NARS2: variants seen among roughly 807,000 people sequenced by gnomAD.
The protein encoded by NARS2 is asparaginyl-tRNA synthetase.
A neutral mutation model predicts 62.9 loss-of-function variants in NARS2; 60 were observed. That is an observed-to-expected ratio of 0.95 (90% CI 0.77 to 1.18). The LOEUF (loss-of-function observed/expected upper bound fraction) is 1.18. NARS2 is among the 50% of genes most tolerant of loss of function. The pLI is 0.00. For synonymous variants in NARS2, 196 were observed against 200.0 expected (o/e 0.98, Z 0.17); for missense variants, 619 against 576.4 (o/e 1.07, Z -0.76).
intron 5 of NARS2, among the ~76,000 whole-genome samples, chr11:78,538,632 G>C (rs996059624): frequency 2.0e-5 from 3 of 152,074 alleles, no homozygotes; most frequent in East Asian, 1.9e-4. Context: ...CGTGGGAAGG[G>C]GGTGTCATAC....
chr11:78,470,043 G>A (rs1389930845), intron 9 of NARS2, among the ~76,000 whole-genome samples: 1 of 152,118 alleles, frequency 6.6e-6, no homozygotes, highest in Non-Finnish European at 1.5e-5. Context: ...AGTTTGGCTT[G>A]TTCACAGAAC....
At chr11:78,457,214 C>T (rs993015610) in intron 11 of NARS2, among the ~76,000 whole-genome samples, 1 of 152,218 alleles carries the variant, frequency 6.6e-6, no homozygotes, top group Non-Finnish European at 1.5e-5. Context: ...TAAATTATAA[C>T]TGTAAAAACA....
chr11:78,549,189 C>T (rs1015682593), intron 5 of NARS2, among the ~76,000 whole-genome samples: 1 of 152,208 alleles, frequency 6.6e-6, no homozygotes, highest in Non-Finnish European at 1.5e-5. Flanking sequence ...AGGGTCCTGA[C>T]AGCTTTTGCC....
At chr11:78,469,340 GA>G (rs1230037353) in intron 9 of NARS2, 27 bp from the exon 10 acceptor site, 4 of 1,575,438 alleles carry the variant, frequency 2.5e-6, no homozygotes, top group Admixed American at 3.3e-5. Flanking sequence ...TACAAGCAGA[GA>G]AAAGTCAATA....
intron 12 of NARS2, among the ~76,000 whole-genome samples, chr11:78,443,048 A>G (rs541311854): frequency 2.6e-5 from 4 of 152,142 alleles, no homozygotes; most frequent in Admixed American, 2.0e-4. Flanking sequence ...CAAGCTGGCC[A>G]GGTGCGGTGG....
intron 11 of NARS2, among the ~76,000 whole-genome samples, chr11:78,461,318 A>T (rs1858386168): frequency 6.6e-6 from 1 of 152,198 alleles, no homozygotes. Flanking sequence ...AGAAATGGAT[A>T]AATCTGTACA....
chr11:78,448,539 T>C (rs998112380), intron 11 of NARS2, among the ~76,000 whole-genome samples: 1 of 152,104 alleles, frequency 6.6e-6, no homozygotes, highest in Non-Finnish European at 1.5e-5. Flanking sequence ...CCACGAGGTC[T>C]TGACCTCGTG....
intron 11 of NARS2, among the ~76,000 whole-genome samples, chr11:78,459,915 T>A (rs1415379301): frequency 6.6e-6 from 1 of 152,224 alleles, no homozygotes; most frequent in East Asian, 1.9e-4. Flanking sequence ...GACTGCAGCA[T>A]CTAACAGGGG....
At chr11:78,519,105 G>A (rs1271602801) in intron 6 of NARS2, among the ~76,000 whole-genome samples, 4 of 152,156 alleles carry the variant, frequency 2.6e-5, no homozygotes, top group African/African-American at 9.7e-5. Flanking sequence ...AGTCTTATAA[G>A]CAGATGGGAA....
chr11:78,457,346 T>C (rs1858202732), intron 11 of NARS2, among the ~76,000 whole-genome samples: 1 of 152,242 alleles, frequency 6.6e-6, no homozygotes, highest in Non-Finnish European at 1.5e-5. Context: ...CTTATTTTTT[T>C]CAAGACTGCA....
chr11:78,471,520 C>CT (rs139839568), intron 9 of NARS2, among the ~76,000 whole-genome samples: 28,961 of 151,224 alleles, frequency 0.19, 3,277 homozygotes, highest in East Asian at 0.42. Flanking sequence ...ATTGAACTAT[C>CT]TTTTTTTTTC....
chr11:78,556,758 C>T (rs1184946570), intron 5 of NARS2, among the ~76,000 whole-genome samples: 2 of 152,164 alleles, frequency 1.3e-5, no homozygotes, highest in African/African-American at 4.8e-5. Context: ...GCCTTAATCT[C>T]TTTTATCTCC....
rs531277713 is a variant in NARS2, at chr11:78,515,046, A to T, written c.689+13796T>A. Among the ~76,000 whole-genome samples, 7 of 152,344 alleles carry T rather than the reference A, an allele frequency of 4.6e-5. No homozygotes were observed. The South Asian group carries it at 1.5e-3, about 32-fold the overall frequency. On this transcript the variant is annotated intron_variant, in intron 6 of 13. Coordinates refer to ENST00000281038, the MANE Select transcript of NARS2 (RefSeq NM_024678.6). Reference sequence around the variant, plus strand: ...GTCGCGACAAATTACTGAAGGACAGAAAACAGATGGCTGAGTGATGACCAA... The same window carrying T: ...GTCGCGACAAATTACTGAAGGACAGTAAACAGATGGCTGAGTGATGACCAA...
Position 78,529,216 on chromosome 11 carries a change from T to C in NARS2, c.595-280A>G, listed in dbSNP as rs553851765. On this transcript the variant is annotated intron_variant, in intron 5 of 13. Transcript: ENST00000281038. ...TATACTTCCCCCTAAAAAGTGATTC[T>C]GATTAAGAGGCAATCTAAGGCAAGA... Among the ~76,000 whole-genome samples, 11 of 152,342 alleles carry C rather than the reference T, an allele frequency of 7.2e-5. No individual in the cohort carries two copies. In the South Asian group the frequency reaches 2.3e-3, roughly 32 times the overall value.
intron 7 of NARS2, among the ~76,000 whole-genome samples, chr11:78,484,309 C>A (rs1859481820): frequency 6.6e-6 from 1 of 152,072 alleles, no homozygotes; most frequent in African/African-American, 2.4e-5. Context: ...GTAGGCAATA[C>A]CATTCAGGAC....
intron 6 of NARS2, among the ~76,000 whole-genome samples, chr11:78,523,567 G>A (rs1219533651): frequency 2.0e-5 from 3 of 152,120 alleles, no homozygotes; most frequent in African/African-American, 7.2e-5. Flanking sequence ...CAACCCAAAT[G>A]CTCATTATCT....
chr11:78,563,880 A>ACACC (rs1565287529), intron 4 of NARS2, among the ~76,000 whole-genome samples: 1 of 109,338 alleles, frequency 9.1e-6, no homozygotes, highest in Admixed American at 9.3e-5. Context: ...GTATACACAC[A>ACACC]CACAGTATTA....
intron 7 of NARS2, among the ~76,000 whole-genome samples, chr11:78,483,953 C>T (rs764471599): frequency 3.9e-5 from 6 of 152,094 alleles, no homozygotes; most frequent in Non-Finnish European, 8.8e-5. Context: ...GCAAAAAGAA[C>T]AAAGCTGGAG....
intron 5 of NARS2, among the ~76,000 whole-genome samples, chr11:78,529,882 C>G (rs1331263109): frequency 6.6e-6 from 1 of 152,088 alleles, no homozygotes; most frequent in Non-Finnish European, 1.5e-5. Context: ...AAGGTGTAGT[C>G]ACTGTAAAAG....
Sources: allele counts gnomAD v4.1 joint callset (sites outside exome capture counted in the v4.1 genomes callset), GRCh38; gene constraint gnomAD v4.1.1; transcripts MANE v1.5; gene names NCBI Gene and HGNC (gene_info 2026-07-23, HGNC 2026-07-21).